Variants in INPP5D observed in about 807,000 individuals in gnomAD.
The protein encoded by INPP5D is phosphatidylinositol 3,4,5-trisphosphate 5-phosphatase 1.
INPP5D carries 33 observed loss-of-function variants against 122.9 expected under a neutral mutation model. The ratio of observed to expected loss-of-function variants is 0.27; its 90% CI spans 0.20 to 0.36. INPP5D has a LOEUF of 0.36. INPP5D is among the 10% of genes least tolerant of loss of function. INPP5D has a pLI of 1.00. For synonymous variants in INPP5D, 584 were observed against 576.2 expected, an observed-to-expected ratio of 1.01 and a Z score of -0.19; for missense variants, 1,053 against 1,412.7, an observed-to-expected ratio of 0.75 and a Z score of 4.08.
chr2:233,145,875 A>G (rs1052790699), intron 6 of INPP5D: 1 of 592,916 alleles, frequency 1.7e-6, no homozygotes, highest in Non-Finnish European at 3.2e-6. Context: ...ACATGCAAGG[A>G]CAGTCCTCGA....
rs766304946 is a variant in INPP5D at position 233,161,840 on chromosome 2, C to G, written c.1240+14C>G. On this transcript the variant is annotated intron_variant, in intron 11 of 26. Transcript: ENST00000445964. Reference sequence around the variant, plus strand: ...CCTGGAACATGGGTGGGTCCGCGCGCCCCCTCCCTGCAGTCACCCCCTCTG... The same window carrying G: ...CCTGGAACATGGGTGGGTCCGCGCGGCCCCTCCCTGCAGTCACCCCCTCTG... 53 of 1,607,824 alleles carry G rather than the reference C, an allele frequency of 3.3e-5. No individual in the cohort carries two copies. The African/African-American group carries it at 5.0e-4, about 15-fold the overall frequency.
intron 5 of INPP5D, chr2:233,134,301 T>C (rs1693409387): frequency 3.7e-6 from 1 of 273,750 alleles, no homozygotes; most frequent in South Asian, 3.3e-5. Context: ...TCATGGGGGA[T>C]GCATATGGGG....
At chr2:233,171,766 A>G (rs1343055224) in intron 17 of INPP5D, among the ~76,000 whole-genome samples, 1 of 152,228 alleles carries the variant, frequency 6.6e-6, no homozygotes, top group African/African-American at 2.4e-5. Context: ...CAGGGACTTC[A>G]CAGTAGGAAA....
rs1272116798 is a variant in INPP5D, at chr2:233,170,474, C to T, written c.1792-22C>T. On this transcript the variant is annotated intron_variant, in intron 15 of 26. Transcript: ENST00000445964. The surrounding 1 kb of genome is among the most constrained non-coding windows in gnomAD (Gnocchi z 4.5). ...GATCAGCAGGGCTTCTCACCAGAGG[C>T]CCGGGCATGTTCTTGTTCCAGGAGG... 4 of 1,613,536 alleles carry T rather than the reference C, an allele frequency of 2.5e-6. No homozygotes were observed. In the Admixed American group the frequency reaches 5.0e-5, roughly 20 times the overall value.
intron 24 of INPP5D, among the ~76,000 whole-genome samples, chr2:233,196,479 C>A (rs1695188202): frequency 6.6e-6 from 1 of 152,164 alleles, no homozygotes. Flanking sequence ...GATTCCAAGT[C>A]TACAAATGGT....
At chr2:233,116,491 T>C (rs1692799713) in intron 2 of INPP5D, among the ~76,000 whole-genome samples, 1 of 152,104 alleles carries the variant, frequency 6.6e-6, no homozygotes, top group South Asian at 2.1e-4. Flanking sequence ...TTTCATCATG[T>C]TGCCCAAGCT....
chr2:233,170,488 T>C lies in INPP5D; in HGVS notation c.1792-8T>C. Reference sequence around the variant, plus strand: ...CTCACCAGAGGCCCGGGCATGTTCTTGTTCCAGGAGGCAGAAACCATCATC... The same window carrying C: ...CTCACCAGAGGCCCGGGCATGTTCTCGTTCCAGGAGGCAGAAACCATCATC... On this transcript the variant is annotated splice_region_variant and splice_polypyrimidine_tract_variant and intron_variant, in intron 15 of 26. Coordinates refer to ENST00000445964, the MANE Select transcript of INPP5D (RefSeq NM_001017915.3). The surrounding 1 kb of genome is among the most constrained non-coding windows in gnomAD (Gnocchi z 4.5). The C allele has an allele frequency of 6.2e-7, 1 of 1,613,708 alleles. No homozygotes were observed. Among genetic ancestry groups the C allele is most frequent in the South Asian group, 1.1e-5 (1 of 91,052 alleles).
chr2:233,085,114 A>G (rs1691796014), intron 2 of INPP5D, among the ~76,000 whole-genome samples: 1 of 152,154 alleles, frequency 6.6e-6, no homozygotes, highest in African/African-American at 2.4e-5. Context: ...GGCTGGGTGC[A>G]GTGGCTCACT....
At chr2:233,130,455 G>C in intron 4 of INPP5D, 53 bp from the exon 5 acceptor site, 2 of 1,589,228 alleles carry the variant, frequency 1.3e-6, no homozygotes, top group Non-Finnish European at 1.7e-6. Context: ...CATTGGTGAT[G>C]GTGGCTAAAA....
At chr2:233,063,896 G>A (rs568994223) in intron 1 of INPP5D, among the ~76,000 whole-genome samples, 1 of 152,404 alleles carries the variant, frequency 6.6e-6, no homozygotes, top group South Asian at 2.1e-4. Flanking sequence ...GCCTCCAGGG[G>A]ACGTTGGGTA....
chr2:233,124,575 A>C (rs1026707101), intron 3 of INPP5D, among the ~76,000 whole-genome samples: 10 of 152,190 alleles, frequency 6.6e-5, no homozygotes, highest in Non-Finnish European at 1.3e-4. Flanking sequence ...TTGTGAGCCC[A>C]AGGTCACTCA....
chr2:233,130,705 A>G (rs1693298764), intron 5 of INPP5D, 57 bp downstream of exon 5: 9 of 1,576,818 alleles, frequency 5.7e-6, no homozygotes, highest in Non-Finnish European at 7.8e-6. Context: ...TGAGAGAAAC[A>G]GCTCATGAGA....
In INPP5D at chr2:233,197,453, TC is replaced by T. The variant is rs1695213745; in HGVS notation, c.2694-640del. On this transcript the variant is annotated intron_variant, in intron 24 of 26. Coordinates refer to ENST00000445964, the MANE Select transcript of INPP5D (RefSeq NM_001017915.3). This position sits in a 1 kb window ranked among gnomAD's most constrained non-coding sequence, Gnocchi z 4.4. The stretch of plus-strand genomic sequence containing the variant: ...GAGTCTGCCCTGAAAATCCCCTCCT[TC>T]CTGCCACCCAGGCTACCCCCCCACC... 6.6e-6 allele frequency among the ~76,000 whole-genome samples: 1 copy of T among 151,970 alleles called. No individual in the cohort carries two copies. Among genetic ancestry groups the T allele is most frequent in the South Asian group, 2.1e-4 (1 of 4,810 alleles).
At chr2:233,125,386 T>C (rs1392858673) in intron 3 of INPP5D, among the ~76,000 whole-genome samples, 3 of 152,210 alleles carry the variant, frequency 2.0e-5, no homozygotes, top group Admixed American at 6.5e-5. Flanking sequence ...TCAGCCATCA[T>C]GAGACAGGTG....
intron 2 of INPP5D, among the ~76,000 whole-genome samples, chr2:233,081,807 T>C (rs1691698279): frequency 6.6e-6 from 1 of 152,048 alleles, no homozygotes; most frequent in African/African-American, 2.4e-5. Context: ...AGCTCTTCTC[T>C]GTGGGGCCGC....
intron 1 of INPP5D, among the ~76,000 whole-genome samples, chr2:233,068,518 C>A (rs1691288973): frequency 6.6e-6 from 1 of 151,564 alleles, no homozygotes; most frequent in Non-Finnish European, 1.5e-5. Flanking sequence ...TTGCTTGAAC[C>A]CAGGAGGTGG....
chr2:233,185,888 G>C lies in INPP5D; in HGVS notation c.2321G>C (p.Gly774Ala), dbSNP rs769312390. The change falls in exon 21 of 27, where the codon GGG becomes GCG. Residue 774 changes from glycine to alanine, a missense_variant. Physicochemically the swap from Gly to Ala is moderately conservative, Grantham distance 60. Transcript: ENST00000445964. Reference protein sequence around the residue: ...QEGENEEGSEGELVVKFGETL... With the variant: ...QEGENEEGSEAELVVKFGETL... The stretch of plus-strand genomic sequence containing the variant: ...GGAGAAAATGAAGAAGGAAGTGAGG[G>C]GGAGCTGGTGGTGAAGTTTGGTGAG... The C allele has an allele frequency of 6.2e-7, 1 of 1,608,884 alleles. No individual in the cohort carries two copies. Among genetic ancestry groups the C allele is most frequent in the Non-Finnish European group, 8.5e-7 (1 of 1,177,572 alleles).
chr2:233,080,487 C>T (rs1252392149), intron 2 of INPP5D, among the ~76,000 whole-genome samples: 1 of 150,476 alleles, frequency 6.6e-6, no homozygotes, highest in Non-Finnish European at 1.5e-5. Flanking sequence ...GAGAGATGCT[C>T]AGTTCTCAGG....
At position 233,148,455 on chromosome 2, in the gene INPP5D, C is replaced by T. The variant is rs144168817; in HGVS notation, c.1030+861C>T. On this transcript the variant is annotated intron_variant, in intron 9 of 26. Coordinates refer to ENST00000445964, the MANE Select transcript of INPP5D (RefSeq NM_001017915.3). Reference sequence around the variant, plus strand: ...ACCCCGAGGCTGAGAAGCAACCAGTCGGGCAGGGGTCTGAGGGAAGAGCAT... The same window carrying T: ...ACCCCGAGGCTGAGAAGCAACCAGTTGGGCAGGGGTCTGAGGGAAGAGCAT... Among the ~76,000 whole-genome samples, 1,217 of 152,240 alleles carry T rather than the reference C, an allele frequency of 8.0e-3. 13 individuals are homozygous for T. Among genetic ancestry groups the T allele is most frequent in the African/African-American group, 0.027 (1,137 of 41,526 alleles).
Sources: allele counts gnomAD v4.1 joint callset (sites outside exome capture counted in the v4.1 genomes callset), GRCh38; gene constraint gnomAD v4.1.1; non-coding constraint Gnocchi (gnomAD v3.1); transcripts MANE v1.5; gene names NCBI Gene and HGNC (gene_info 2026-07-23, HGNC 2026-07-21).